UBASH3B: variants seen among roughly 807,000 people sequenced by gnomAD.
UBASH3B encodes the protein ubiquitin associated and SH3 domain containing B, also known as ubiquitin-associated and SH3 domain-containing protein B.
A neutral mutation model predicts 83.4 loss-of-function variants in UBASH3B; 37 were observed. That is an observed-to-expected ratio of 0.44 (90% confidence interval 0.34 to 0.58). The LOEUF is 0.58. Ranked by LOEUF, UBASH3B falls within the 20% of genes least tolerant of loss-of-function variation. The pLI is 0.01. For synonymous variants in UBASH3B, 304 were observed against 318.3 expected, an observed-to-expected ratio of 0.96 and a Z score of 0.48; for missense variants, 657 against 827.2, an observed-to-expected ratio of 0.79 and a Z score of 2.52.
intron 3 of UBASH3B, 97 bp from the exon 4 acceptor site, chr11:122,779,400 C>T: frequency 7.4e-7 from 1 of 1,349,876 alleles, no homozygotes; most frequent in African/African-American, 1.4e-5. Context: ...CATTATCAGC[C>T]TCCTCCAGTC....
chr11:122,703,319 C>T (rs1864070646), intron 1 of UBASH3B, among the ~76,000 whole-genome samples: 1 of 151,522 alleles, frequency 6.6e-6, no homozygotes, highest in Non-Finnish European at 1.5e-5. Context: ...CCCAGCTACT[C>T]GGGAGGCTGA....
chr11:122,739,033 CTG>C (rs1276234660), intron 1 of UBASH3B, among the ~76,000 whole-genome samples: 1 of 152,146 alleles, frequency 6.6e-6, no homozygotes. Context: ...AGGTCCCACT[CTG>C]TTGCTCAGGC....
At chr11:122,712,976 C>T (rs4935802) in intron 1 of UBASH3B, among the ~76,000 whole-genome samples, 42,155 of 136,702 alleles carry the variant, frequency 0.31, 7,051 homozygotes, top group Non-Finnish European at 0.39. Flanking sequence ...GGTGCGATCT[C>T]GGCTCACTGC....
chr11:122,799,824 A>G (rs1327262576), intron 10 of UBASH3B, among the ~76,000 whole-genome samples: 3 of 152,240 alleles, frequency 2.0e-5, no homozygotes, highest in Non-Finnish European at 4.4e-5. Flanking sequence ...AGTTACAGGT[A>G]TCTCCATTCT....
At chr11:122,683,223 G>A (rs1387438500) in intron 1 of UBASH3B, among the ~76,000 whole-genome samples, 1 of 139,854 alleles carries the variant, frequency 7.2e-6, no homozygotes, top group Non-Finnish European at 1.5e-5. Context: ...CCTGGAGACA[G>A]AGTGAGACCT....
intron 1 of UBASH3B, among the ~76,000 whole-genome samples, chr11:122,683,063 C>A (rs1863762488): frequency 2.6e-5 from 4 of 151,560 alleles, no homozygotes. Flanking sequence ...CCAGCCTGGG[C>A]AATACAGTAA....
intron 5 of UBASH3B, among the ~76,000 whole-genome samples, chr11:122,788,085 C>G (rs1860985488): frequency 6.6e-6 from 1 of 152,192 alleles, no homozygotes; most frequent in African/African-American, 2.4e-5. Context: ...GAATAAATAG[C>G]CAACTGGCAT....
chr11:122,806,499 G>A lies in UBASH3B; in HGVS notation c.1685G>A (p.Ser562Asn), dbSNP rs1451336990. The A allele has an allele frequency of 1.9e-6, 3 of 1,604,222 alleles. No individual in the cohort carries two copies. The Admixed American group carries it at 5.2e-5, about 28-fold the overall frequency. Reference sequence around the variant, plus strand: ...TTCCAAGTAACAAAAGAAATAATAAGTGAATGTAAAAGTAAAGGTAAGTGG... The same window carrying A: ...TTCCAAGTAACAAAAGAAATAATAAATGAATGTAAAAGTAAAGGTAAGTGG... Reference protein sequence around the residue: ...RSFQVTKEIISECKSKGNNIL... With the variant: ...RSFQVTKEIINECKSKGNNIL... Residue 562 changes from serine (S) to asparagine (N), a missense_variant, in exon 12 of 14, where the codon AGT becomes AAT. By Grantham distance (46) the Ser-to-Asn change is conservative (BLOSUM62 1). Around this residue, in one of 3 missense-constraint regions of UBASH3B, gnomAD observed 573 missense variants for 739.0 expected, o/e 0.78. Coordinates refer to ENST00000284273, the MANE Select transcript of UBASH3B (RefSeq NM_032873.5). The surrounding 1 kb of genome is among the most constrained non-coding windows in gnomAD (Gnocchi z 4.0).
intron 1 of UBASH3B, among the ~76,000 whole-genome samples, chr11:122,713,097 C>T (rs1323282188): frequency 6.6e-6 from 1 of 151,580 alleles, no homozygotes; most frequent in Non-Finnish European, 1.5e-5. Flanking sequence ...TTAGTAGAGA[C>T]GGGGTTTCAC....
intron 1 of UBASH3B, among the ~76,000 whole-genome samples, chr11:122,656,885 G>C (rs2135885673): frequency 6.6e-6 from 1 of 152,362 alleles, no homozygotes; most frequent in African/African-American, 2.4e-5. Flanking sequence ...AGAGTAAGGA[G>C]GGGGAGCTGT....
rs1864051731 is a variant in UBASH3B at position 122,702,387 on chromosome 11, A to G, written c.161+46177A>G. On this transcript the variant is annotated intron_variant, in intron 1 of 13. Coordinates refer to ENST00000284273, the MANE Select transcript of UBASH3B (RefSeq NM_032873.5). ...CACATAAAGTATAATATAGGACCCT[A>G]CCCCTACCAAGCACGGAGATCCCTT... Among the ~76,000 whole-genome samples the G allele has an allele frequency of 2.0e-5, 3 of 152,136 alleles. No individual in the cohort carries two copies. In the South Asian group the frequency reaches 6.2e-4, roughly 32 times the overall value.
At chr11:122,784,822 G>C (rs555704990) in intron 5 of UBASH3B, among the ~76,000 whole-genome samples, 1 of 152,274 alleles carries the variant, frequency 6.6e-6, no homozygotes, top group African/African-American at 2.4e-5. Context: ...TGATGGGAAC[G>C]TGATGTCCTC....
intron 9 of UBASH3B, 65 bp downstream of exon 9, chr11:122,797,098 A>G (rs995854084): frequency 3.0e-5 from 46 of 1,519,996 alleles, no homozygotes; most frequent in Middle Eastern, 3.6e-4. Flanking sequence ...CACTGGTACC[A>G]TGGATATGCA....
At chr11:122,785,021 C>T (rs962850197) in intron 5 of UBASH3B, among the ~76,000 whole-genome samples, 17 of 152,130 alleles carry the variant, frequency 1.1e-4, no homozygotes, top group African/African-American at 4.1e-4. Flanking sequence ...CAGATGGCCT[C>T]TGAGAAGTCA....
intron 1 of UBASH3B, among the ~76,000 whole-genome samples, chr11:122,727,997 C>CATT (rs60967984): frequency 0.037 from 5,533 of 149,938 alleles, 312 homozygotes; most frequent in African/African-American, 0.12. Flanking sequence ...CCCATCTTAT[C>CATT]ATTATTATTA....
intron 1 of UBASH3B, among the ~76,000 whole-genome samples, chr11:122,772,643 C>A (rs1458116339): frequency 6.6e-6 from 1 of 152,128 alleles, no homozygotes; most frequent in Non-Finnish European, 1.5e-5. Flanking sequence ...GCCAGACCAA[C>A]CTTGAATTCA....
At chr11:122,741,709 C>T (rs1861028395) in intron 1 of UBASH3B, among the ~76,000 whole-genome samples, 1 of 152,146 alleles carries the variant, frequency 6.6e-6, no homozygotes, top group Admixed American at 6.5e-5. Context: ...CCATAAGGCC[C>T]TCACGACAGC....
At chr11:122,698,372 C>T (rs1863990462) in intron 1 of UBASH3B, among the ~76,000 whole-genome samples, 1 of 152,098 alleles carries the variant, frequency 6.6e-6, no homozygotes, top group Non-Finnish European at 1.5e-5. Flanking sequence ...CTCATCTAGG[C>T]TCTGGCAAAA....
At chr11:122,793,759 C>T (rs533524381) in intron 6 of UBASH3B, among the ~76,000 whole-genome samples, 11 of 152,166 alleles carry the variant, frequency 7.2e-5, no homozygotes, top group Non-Finnish European at 4.4e-5. Flanking sequence ...TCAGAAATGA[C>T]AGTTCTTGGC....
Sources: gnomAD v4.1 joint callset for allele counts (sites outside exome capture counted in the v4.1 genomes callset) on GRCh38, gnomAD v4.1.1 for gene constraint, gnomAD v4.1.1 regional missense constraint, Gnocchi (gnomAD v3.1) non-coding constraint, MANE v1.5 for transcripts, NCBI Gene and HGNC (gene_info 2026-07-23, HGNC 2026-07-21) for gene names.